The following LRBA variants were observed in gnomAD, a reference collection of about 807,000 sequenced individuals.
The protein encoded by LRBA is LPS responsive beige-like anchor protein.
A neutral mutation model predicts 330.0 loss-of-function variants in LRBA; 176 were observed. The ratio of observed to expected loss-of-function variants is 0.53; its 90% CI spans 0.47 to 0.60. The LOEUF is 0.60. Ranked by LOEUF, LRBA falls within the 20% of genes least tolerant of loss-of-function variation. The probability of loss-of-function intolerance (pLI) is 0.00; values close to 1 mark genes in which losing one functional copy is unlikely to be tolerated. For missense variants in LRBA, 3,259 were observed against 3,444.8 expected, an observed-to-expected ratio of 0.95 and a Z score of 1.35; for synonymous variants, 1,230 against 1,193.0, an observed-to-expected ratio of 1.03 and a Z score of -0.64.
intron 40 of LRBA, among the ~76,000 whole-genome samples, chr4:150,559,543 A>AAGATAAATATATATATTTATATAAAT (rs1253174002): frequency 3.9e-5 from 5 of 129,268 alleles, no homozygotes; most frequent in Non-Finnish European, 6.2e-5. Flanking sequence ...CATTATATAT[A>AAGATAAATATATATATTTATATAAAT]AGATAAATAT....
intron 50 of LRBA, among the ~76,000 whole-genome samples, chr4:150,320,511 G>T (rs1732348953): frequency 6.6e-6 from 1 of 151,942 alleles, no homozygotes; most frequent in Non-Finnish European, 1.5e-5. Context: ...TAGACAATCA[G>T]AATTGTTTAC....
chr4:150,983,263 C>A (rs1741057397), intron 2 of LRBA, among the ~76,000 whole-genome samples: 1 of 151,938 alleles, frequency 6.6e-6, no homozygotes. Context: ...TCAAGACTGG[C>A]CTGGGCAACA....
At chr4:151,011,285 A>G (rs1029030823) in intron 2 of LRBA, among the ~76,000 whole-genome samples, 4 of 152,156 alleles carry the variant, frequency 2.6e-5, no homozygotes, top group Non-Finnish European at 5.9e-5. Context: ...TTTTAACAGT[A>G]TAAACTTTAT....
chr4:150,530,268 GA>G (rs1005962123), intron 40 of LRBA, among the ~76,000 whole-genome samples: 9 of 150,340 alleles, frequency 6.0e-5, no homozygotes, highest in Non-Finnish European at 8.9e-5. Flanking sequence ...AAAGTATAGA[GA>G]AAAAAAAAGT....
chr4:150,704,448 A>G lies in LRBA; in HGVS notation c.5755-20731T>C, dbSNP rs1206587467. ...GTATTCTCCAGCTCAAAAATTAATG[A>G]ATTAAAACACAAAAAGAGCCACTGA... On this transcript the variant is annotated intron_variant, in intron 36 of 56. Transcript: ENST00000651943. 3.3e-5 allele frequency among the ~76,000 whole-genome samples: 5 copies of G among 151,886 alleles called. No homozygotes were observed. The South Asian group carries it at 8.3e-4, about 25-fold the overall frequency.
chr4:150,771,398 T>C (rs180678176), intron 34 of LRBA, among the ~76,000 whole-genome samples: 18 of 152,304 alleles, frequency 1.2e-4, no homozygotes, highest in Admixed American at 1.1e-3. Context: ...GTGGGGAACA[T>C]AGCAAGGCCA....
intron 22 of LRBA, among the ~76,000 whole-genome samples, chr4:150,863,862 T>C (rs946083891): frequency 6.6e-6 from 1 of 152,198 alleles, no homozygotes; most frequent in Non-Finnish European, 1.5e-5. Flanking sequence ...AAGACTAATC[T>C]ATTCATCCTA....
chr4:150,349,278 A>G (rs1205542933), intron 48 of LRBA, among the ~76,000 whole-genome samples: 1 of 152,218 alleles, frequency 6.6e-6, no homozygotes, highest in Non-Finnish European at 1.5e-5. Flanking sequence ...AACTTGCCCC[A>G]TGAATCAAAG....
intron 47 of LRBA, among the ~76,000 whole-genome samples, chr4:150,369,074 T>C (rs1186433863): frequency 6.6e-6 from 1 of 152,208 alleles, no homozygotes; most frequent in African/African-American, 2.4e-5. Flanking sequence ...ACACTGGTTA[T>C]AAGACTCAAT....
rs72961824 is a variant in LRBA, at chr4:150,790,273, G to C, written c.5580+7808C>G. Among the ~76,000 whole-genome samples the C allele has an allele frequency of 9.9e-3, 1,506 of 152,234 alleles. 19 individuals carry two copies. The highest frequency in any genetic ancestry group is 0.035 in the African/African-American group (1,445 of 41,540). ...CAGTTCCACAAAATTTACCTCAAAG[G>C]TTGTGTTTTCTAAATCCTAGTGTGC... On this transcript the variant is annotated intron_variant, in intron 34 of 56. Transcript: ENST00000651943.
intron 40 of LRBA, among the ~76,000 whole-genome samples, chr4:150,494,533 A>G (rs1048020303): frequency 2.6e-5 from 4 of 152,366 alleles, no homozygotes; most frequent in Non-Finnish European, 5.9e-5. Context: ...AGAAATGAGT[A>G]TACTACAGCA....
chr4:150,949,120 G>A (rs1239550669), intron 2 of LRBA, among the ~76,000 whole-genome samples: 1 of 151,426 alleles, frequency 6.6e-6, no homozygotes, highest in Non-Finnish European at 1.5e-5. Context: ...AAAAACTTAT[G>A]TTCACACAAA....
chr4:150,984,695 G>T (rs895332955), intron 2 of LRBA, among the ~76,000 whole-genome samples: 1 of 152,000 alleles, frequency 6.6e-6, no homozygotes, highest in East Asian at 1.9e-4. Context: ...ACTGTGCCTT[G>T]ACTTTCCAAA....
intron 52 of LRBA, among the ~76,000 whole-genome samples, chr4:150,309,245 C>T (rs1271790857): frequency 6.6e-6 from 1 of 152,074 alleles, no homozygotes; most frequent in African/African-American, 2.4e-5. Flanking sequence ...CCTACAGTAT[C>T]CCATATACTA....
At chr4:150,432,432 T>A (rs897691121) in intron 46 of LRBA, among the ~76,000 whole-genome samples, 3 of 148,544 alleles carry the variant, frequency 2.0e-5, no homozygotes, top group African/African-American at 7.4e-5. Flanking sequence ...TTTACATATA[T>A]TACAGTAATT....
chr4:150,834,215 T>A (rs1354663338), intron 28 of LRBA, among the ~76,000 whole-genome samples: 1 of 152,226 alleles, frequency 6.6e-6, no homozygotes, highest in African/African-American at 2.4e-5. Flanking sequence ...TTTCTTCCCA[T>A]GAATCACATG....
intron 34 of LRBA, among the ~76,000 whole-genome samples, chr4:150,780,314 TA>T (rs1737986787): frequency 6.6e-6 from 1 of 152,192 alleles, no homozygotes; most frequent in South Asian, 2.1e-4. Flanking sequence ...TAAGGTATCT[TA>T]TGTTTATGCT....
chr4:150,663,000 T>C (rs950441823), intron 37 of LRBA, among the ~76,000 whole-genome samples: 4 of 151,734 alleles, frequency 2.6e-5, no homozygotes, highest in Non-Finnish European at 2.9e-5. Context: ...ACAGATAAAA[T>C]CTACAGAAGA....
At position 150,852,263 on chromosome 4, in the gene LRBA, A is replaced by G. The variant is rs1335049361; in HGVS notation, c.3447T>C (p.Gly1149=). Residue 1149 remains glycine (G), a synonymous_variant, in exon 23 of 57, where the codon GGT becomes GGC. Transcript: ENST00000651943. The part of the protein sequence containing the change: ...SEAGEKLDMF[G]NDDKLIFQEG... ...CTTGAAATATTAATTTGTCATCATT[A>G]CCAAACATGTCCAGTTTTTCACCGG... 4.3e-6 allele frequency: 7 copies of G among 1,614,028 alleles called. 1 individual carries two copies. The South Asian group carries it at 7.7e-5, about 18-fold the overall frequency.
Sources: allele counts gnomAD v4.1 joint callset (sites outside exome capture counted in the v4.1 genomes callset), GRCh38; gene constraint gnomAD v4.1.1; transcripts MANE v1.5; gene names NCBI Gene and HGNC (gene_info 2026-07-23, HGNC 2026-07-21).